The following TGM4 variants were observed in gnomAD, a reference collection of about 807,000 sequenced individuals.
TGM4 encodes protein-glutamine gamma-glutamyltransferase 4.
In TGM4, 61 loss-of-function variants were observed where a neutral mutation model predicts 76.3. That is an observed-to-expected ratio of 0.80 (90% CI 0.65 to 0.99). TGM4 has a LOEUF of 0.99. TGM4 is among the 50% of genes least tolerant of loss of function. The probability of loss-of-function intolerance (pLI) is 0.00; values close to 1 mark genes in which losing one functional copy is unlikely to be tolerated. For synonymous variants in TGM4, 337 were observed against 329.8 expected, an observed-to-expected ratio of 1.02 and a Z score of -0.24; for missense variants, 794 against 843.2, an observed-to-expected ratio of 0.94 and a Z score of 0.72.
At position 44,910,305 on chromosome 3, in the gene TGM4, T is replaced by C. The variant is rs1269195366; in HGVS notation, c.1543T>C (p.Tyr515His). Reference protein sequence around the residue: ...NILGSFELQLYTGKKMAKLCD... With the variant: ...NILGSFELQLHTGKKMAKLCD... ...CTTGGGCTCCTTTGAACTACAGTTG[T>C]ACACTGGCAAGAAGATGGCAAAACT... Residue 515 changes from tyrosine (Y) to histidine (H), a missense_variant, in exon 11 of 14, where the codon TAC becomes CAC. Transcript: ENST00000296125. The C allele has an allele frequency of 3.7e-6, 6 of 1,614,044 alleles. No individual in the cohort carries two copies. The Admixed American group carries it at 5.0e-5, about 13-fold the overall frequency.
chr3:44,888,158 A>C, intron 3 of TGM4: 3 of 226,820 alleles, frequency 1.3e-5, no homozygotes, highest in Admixed American at 5.2e-5. Flanking sequence ...CAAATACAAA[A>C]TGGGGGTCCA....
At position 44,910,264 on chromosome 3, in the gene TGM4, T is replaced by C. The variant is rs1296660902; in HGVS notation, c.1502T>C (p.Leu501Pro). 1 of 1,614,096 alleles carries C rather than the reference T, an allele frequency of 6.2e-7. No individual in the cohort carries two copies. Among genetic ancestry groups the C allele is most frequent in the Non-Finnish European group, 8.5e-7 (1 of 1,180,042 alleles). The part of the protein sequence containing the change: ...TVILKRKTAA[L>P]QNVNILGSFE... ...ATTCTTAAAAGGAAGACCGCTGCCC[T>C]ACAGAATGTCAACATCTTGGGCTCC... is the stretch of plus-strand genomic sequence containing the variant. Residue 501 changes from leucine (L) to proline (P), a missense_variant, in exon 11 of 14, where the codon CTA (leucine) becomes CCA (proline). Coordinates refer to ENST00000296125, the MANE Select transcript of TGM4 (RefSeq NM_003241.4).
At chr3:44,906,875 A>G in intron 9 of TGM4, 74 bp from the exon 10 acceptor site, 1 of 1,578,952 alleles carries the variant, frequency 6.3e-7, no homozygotes, top group Non-Finnish European at 8.6e-7. Context: ...TTTGGGAATC[A>G]TTGCTGCCAC....
At chr3:44,903,821 G>A (rs1032790463) in intron 8 of TGM4, 63 bp from the exon 9 acceptor site, 157 of 1,460,238 alleles carry the variant, frequency 1.1e-4, no homozygotes, top group Non-Finnish European at 1.4e-4. Flanking sequence ...CAATTTTGGC[G>A]TATTTATCTC....
intron 11 of TGM4, 76 bp from the exon 12 acceptor site, chr3:44,910,882 C>T: frequency 6.7e-7 from 1 of 1,485,702 alleles, no homozygotes; most frequent in Non-Finnish European, 9.2e-7. Flanking sequence ...TAATCTAATT[C>T]TGTGCTTGAT....
intron 1 of TGM4, among the ~76,000 whole-genome samples, chr3:44,878,774 G>T (rs1032320222): frequency 1.3e-5 from 2 of 151,992 alleles, no homozygotes; most frequent in African/African-American, 2.4e-5. Flanking sequence ...GAGCCGCTGC[G>T]CCTGGCCTCT....
intron 5 of TGM4, among the ~76,000 whole-genome samples, chr3:44,896,477 C>T (rs1699779780): frequency 6.6e-6 from 1 of 152,184 alleles, no homozygotes; most frequent in African/African-American, 2.4e-5. Flanking sequence ...CTTATACTTC[C>T]TTTTAGTGGC....
In TGM4 at chr3:44,901,880, A is replaced by G. The variant is rs781418936; in HGVS notation, c.920A>G (p.Tyr307Cys). The G allele has an allele frequency of 3.1e-6, 5 of 1,614,172 alleles. No homozygotes were observed. The highest frequency in any genetic ancestry group is 4.5e-5 in the East Asian group (2 of 44,880). The change falls in exon 8 of 14, where the codon TAT becomes TGT. Residue 307 changes from tyrosine to cysteine, a missense_variant. Transcript: ENST00000296125. ...GAAAGGAACCTCACGGTGGACACCTATGTGAATGAGAATGGCGAGAAAATC... is the reference window on the plus strand; with the variant it reads ...GAAAGGAACCTCACGGTGGACACCTGTGTGAATGAGAATGGCGAGAAAATC... ...DTERNLTVDT[Y>C]VNENGEKITS...
intron 6 of TGM4, among the ~76,000 whole-genome samples, chr3:44,899,007 G>A (rs1034409719): frequency 6.6e-6 from 1 of 152,176 alleles, no homozygotes; most frequent in Admixed American, 6.5e-5. Flanking sequence ...GGACTGGCAC[G>A]TACCTGGCTG....
In TGM4 at chr3:44,907,043, T is replaced by A; in HGVS notation, c.1170T>A (p.Asn390Lys). ...CCAGATTCGTCTTCTCAGAAGTGAA[T>A]GGTGACAGGCTCATCTGGTTGGTGA... ...YDTRFVFSEV[N>K]GDRLIWLVKM... is the part of the protein sequence containing the mutation. The change falls in exon 10 of 14, where the codon AAT becomes AAA. Residue 390 changes from asparagine to lysine, a missense_variant. Transcript: ENST00000296125. 2 of 1,614,102 alleles carry A rather than the reference T, an allele frequency of 1.2e-6. No homozygotes were observed. The highest frequency in any genetic ancestry group is 3.3e-4 in the Middle Eastern group (2 of 6,062).
chr3:44,885,541 C>A, intron 2 of TGM4, 43 bp downstream of exon 2: 13 of 1,582,346 alleles, frequency 8.2e-6, no homozygotes, highest in Non-Finnish European at 1.1e-5. Flanking sequence ...GGGGAGGGAT[C>A]ACAAGTGTCT....
At chr3:44,913,153 C>T (rs1365580652) in intron 13 of TGM4, among the ~76,000 whole-genome samples, 2 of 152,200 alleles carry the variant, frequency 1.3e-5, no homozygotes, top group African/African-American at 4.8e-5. Context: ...GTGTTTCCTA[C>T]AAGCTCAGCT....
chr3:44,887,147 A>G (rs1158442557), intron 2 of TGM4, among the ~76,000 whole-genome samples: 15 of 152,222 alleles, frequency 9.9e-5, no homozygotes, highest in Admixed American at 8.5e-4. Flanking sequence ...GGAGCTGGGG[A>G]GAAGCCTCAC....
intron 6 of TGM4, among the ~76,000 whole-genome samples, chr3:44,900,231 G>A (rs895278090): frequency 1.3e-5 from 2 of 152,202 alleles, no homozygotes; most frequent in African/African-American, 2.4e-5. Context: ...GCTTAATTTC[G>A]CAGGAGGACG....
intron 8 of TGM4, among the ~76,000 whole-genome samples, chr3:44,902,433 C>T (rs1411961299): frequency 6.6e-6 from 1 of 152,020 alleles, no homozygotes; most frequent in East Asian, 1.9e-4. Context: ...AACCCCATCT[C>T]TACTAAAAAT....
intron 2 of TGM4, among the ~76,000 whole-genome samples, chr3:44,886,594 T>A (rs1699611428): frequency 6.6e-6 from 1 of 152,192 alleles, no homozygotes; most frequent in Non-Finnish European, 1.5e-5. Flanking sequence ...TCAGTGACTT[T>A]ATAGTACCCC....
chr3:44,913,605 C>T lies in TGM4; in HGVS notation c.1935C>T (p.Thr645=). The T allele has an allele frequency of 1.2e-6, 2 of 1,613,996 alleles. No homozygotes were observed. Among genetic ancestry groups the T allele is most frequent in the Non-Finnish European group, 1.7e-6 (2 of 1,179,950 alleles). Residue 645 remains threonine (T), a synonymous_variant, in exon 14 of 14, where the codon ACC becomes ACT. Coordinates refer to ENST00000296125, the MANE Select transcript of TGM4 (RefSeq NM_003241.4). ...CCAGGACGGTGCAGCCTGGTGAGACCATCCAATCCCAAATAAAATGCACCC... is the reference window on the plus strand; with the variant it reads ...CCAGGACGGTGCAGCCTGGTGAGACTATCCAATCCCAAATAAAATGCACCC... ...SDHGTVQPGE[T]IQSQIKCTPI...
chr3:44,879,263 CTCTATA>C lies in TGM4; in HGVS notation c.19+4568_19+4573del, dbSNP rs1367425106. On this transcript the variant is annotated intron_variant, in intron 1 of 13. Coordinates refer to ENST00000296125, the MANE Select transcript of TGM4 (RefSeq NM_003241.4). ...TCTCTCTCTCTCTCTCTCTCTCTCTCTCTATATATATATATATATATATAGTTTATT... is the reference window on the plus strand; with the variant it reads ...TCTCTCTCTCTCTCTCTCTCTCTCTCTATATATATATATATATAGTTTATT... Among the ~76,000 whole-genome samples, 867 of 96,232 alleles carry C rather than the reference CTCTATA, an allele frequency of 9.0e-3. 6 individuals carry two copies. The highest frequency in any genetic ancestry group is 0.018 in the East Asian group (64 of 3,578). 63.1% of individuals were successfully genotyped at this position (96,232 alleles called of 152,430 possible). A position where few individuals can be genotyped will look rare whatever the true frequency, so the allele number is the denominator to read the frequency against.
chr3:44,896,933 A>G (rs550054625), intron 6 of TGM4, 117 bp downstream of exon 6: 1 of 702,172 alleles, frequency 1.4e-6, no homozygotes, highest in South Asian at 2.0e-5. Flanking sequence ...GCTATGGCCA[A>G]TCAATTGTTC....
Sources: allele counts gnomAD v4.1 joint callset (sites outside exome capture counted in the v4.1 genomes callset), GRCh38; gene constraint gnomAD v4.1.1; transcripts MANE v1.5; gene names NCBI Gene and HGNC (gene_info 2026-07-23, HGNC 2026-07-21).